ERN2: variants seen among roughly 807,000 people sequenced by gnomAD.
The protein encoded by ERN2 is endoplasmic reticulum to nucleus signaling 2.
ERN2 carries 111 observed loss-of-function variants against 107.9 expected under a neutral mutation model. That is an observed-to-expected ratio of 1.03 (90% CI 0.88 to 1.20). The LOEUF is 1.20. Among genes scored for constraint, ERN2 ranks in the 50% most tolerant of loss-of-function variants. The pLI is 0.00. For missense variants in ERN2, 1,225 were observed against 1,197.9 expected (o/e 1.02, Z -0.33); for synonymous variants, 524 against 501.7 (o/e 1.04, Z -0.59).
intron 6 of ERN2, 121 bp downstream of exon 6, chr16:23,706,633 T>C (rs1960326594): frequency 1.3e-6 from 1 of 794,506 alleles, no homozygotes; most frequent in East Asian, 2.4e-5. Flanking sequence ...CTCTGTAGAA[T>C]GTTTGTTGAT....
chr16:23,706,283 G>A (rs1219644335), intron 7 of ERN2, 47 bp downstream of exon 7: 5 of 1,333,038 alleles, frequency 3.8e-6, no homozygotes, highest in Admixed American at 5.4e-5. Context: ...GGTTCCCTGG[G>A]TTGGGGACCT....
Position 23,710,552 on chromosome 16 carries a change from G to T in ERN2, c.200-3C>A, listed in dbSNP as rs772830145. ...CATTGGTCCTTCGATGACGGGATCT[G>T]CAGGGACAGGGACACAGAACATAAG... On this transcript the variant is annotated splice_polypyrimidine_tract_variant and splice_region_variant and intron_variant, in intron 2 of 21. Coordinates refer to ENST00000256797, the MANE Select transcript of ERN2 (RefSeq NM_033266.4). 1 of 1,614,156 alleles carries T rather than the reference G, an allele frequency of 6.2e-7. No homozygotes were observed. The highest frequency in any genetic ancestry group is 8.5e-7 in the Non-Finnish European group (1 of 1,180,000).
In ERN2 at chr16:23,690,463, G is replaced by A. The variant is rs1959537138; in HGVS notation, c.*368C>T. ...GCTGCCCAGCCTCTGCCAGTCTTGT[G>A]GGGGAAAGGGGGTGACAGTGTCTCT... On this transcript the variant is annotated 3_prime_UTR_variant, in exon 22 of 22. Coordinates refer to ENST00000256797, the MANE Select transcript of ERN2 (RefSeq NM_033266.4). The A allele has an allele frequency of 2.2e-6, 1 of 454,202 alleles. No homozygotes were observed. The highest frequency in any genetic ancestry group is 2.4e-5 in the South Asian group (1 of 41,940). The allele number at this position is 454,202 out of a possible 1,614,324, so 28.1% of individuals were successfully genotyped here. A position where few individuals can be genotyped will look rare whatever the true frequency, so the allele number is the denominator to read the frequency against.
At chr16:23,698,987 A>G (rs1359828706) in intron 13 of ERN2, among the ~76,000 whole-genome samples, 1 of 152,240 alleles carries the variant, frequency 6.6e-6, no homozygotes. Context: ...ATCCTGGGGA[A>G]AGATGGAGTC....
At chr16:23,712,471 C>G (rs573934492) in intron 1 of ERN2, 6 of 156,762 alleles carry the variant, frequency 3.8e-5, no homozygotes, top group African/African-American at 1.4e-4. Context: ...ATGAGAGGTG[C>G]CTAACTCTAC....
rs569979543 is a variant in ERN2, at chr16:23,692,225, G to A, written c.2207C>T (p.Thr736Ile). Residue 736 changes from threonine (T) to isoleucine (I), a missense_variant, in exon 18 of 22, where the codon ACA becomes ATA. Coordinates refer to ENST00000256797, the MANE Select transcript of ERN2 (RefSeq NM_033266.4). ...CAGGTGAGCCAGACAGGGAGCCCCT[G>A]TGAGGATGTTTGCCTGGCGATAAAG... is the stretch of plus-strand genomic sequence containing the variant. ...DSLYRQANIL[T>I]GAPCLAHLEE... 1 of 1,614,188 alleles carries A rather than the reference G, an allele frequency of 6.2e-7. No individual in the cohort carries two copies. Among genetic ancestry groups the A allele is most frequent in the Admixed American group, 1.7e-5 (1 of 60,026 alleles).
In ERN2 at chr16:23,690,764, G is replaced by T; in HGVS notation, c.*67C>A. The T allele has an allele frequency of 1.8e-6, 2 of 1,124,568 alleles. No homozygotes were observed. Among genetic ancestry groups the T allele is most frequent in the Non-Finnish European group, 2.5e-6 (2 of 807,034 alleles). 69.7% of individuals were successfully genotyped at this position (1,124,568 alleles called of 1,614,324 possible). A position where few individuals can be genotyped will look rare whatever the true frequency, so the allele number is the denominator to read the frequency against. Reference sequence around the variant, plus strand: ...GCCACTGCACCCAGCCTGATTCTGAGGCCAGCCACAGGCTCAGCTCTTCAG... The same window carrying T: ...GCCACTGCACCCAGCCTGATTCTGATGCCAGCCACAGGCTCAGCTCTTCAG... On this transcript the variant is annotated 3_prime_UTR_variant, in exon 22 of 22. Coordinates refer to ENST00000256797, the MANE Select transcript of ERN2 (RefSeq NM_033266.4).
chr16:23,699,971 T>C (rs1959978180), intron 13 of ERN2, among the ~76,000 whole-genome samples: 1 of 151,986 alleles, frequency 6.6e-6, no homozygotes, highest in Non-Finnish European at 1.5e-5. Context: ...TCAAAAGAGG[T>C]AAACAGAGAG....
At chr16:23,691,233 C>T (rs772843602) in intron 20 of ERN2, 37 bp from the exon 21 acceptor site, 4 of 1,612,554 alleles carry the variant, frequency 2.5e-6, no homozygotes, top group Non-Finnish European at 2.5e-6. Context: ...ACCGTCCCTG[C>T]TAGACTCCCC....
intron 4 of ERN2, chr16:23,709,253 G>C: frequency 2.2e-6 from 1 of 447,860 alleles, no homozygotes. Flanking sequence ...CCTTGTGATC[G>C]TACCACTGCA....
At chr16:23,705,404 T>A (rs540536821) in intron 7 of ERN2, among the ~76,000 whole-genome samples, 36 of 152,262 alleles carry the variant, frequency 2.4e-4, no homozygotes, top group Middle Eastern at 3.4e-3. Flanking sequence ...GGTCAACATA[T>A]GGTCACCTGG....
At chr16:23,691,229 C>G in intron 20 of ERN2, 33 bp from the exon 21 acceptor site, 1 of 1,613,866 alleles carries the variant, frequency 6.2e-7, no homozygotes, top group Non-Finnish European at 8.5e-7. Flanking sequence ...CAAAACCGTC[C>G]CTGCTAGACT....
chr16:23,701,191 A>G, intron 11 of ERN2, 77 bp from the exon 12 acceptor site: 3 of 1,462,830 alleles, frequency 2.1e-6, no homozygotes. Context: ...CACCCAGCAC[A>G]GAGCTGGGCT....
chr16:23,691,785 A>T lies in ERN2; in HGVS notation c.2376+178T>A, dbSNP rs544934682. Among the ~76,000 whole-genome samples, 15 of 152,334 alleles carry T rather than the reference A, an allele frequency of 9.8e-5. 1 individual carries two copies. The highest frequency in any genetic ancestry group is 3.6e-4 in the African/African-American group (15 of 41,582). On this transcript the variant is annotated intron_variant, in intron 19 of 21. Coordinates refer to ENST00000256797, the MANE Select transcript of ERN2 (RefSeq NM_033266.4). ...AAAGCTGGCAGTGAATGGACCAGAG[A>T]GTGCCAAGATGGCGGAGTTTAGGAG... is the stretch of plus-strand genomic sequence containing the variant.
At position 23,694,713 on chromosome 16, in the gene ERN2, G is replaced by T; in HGVS notation, c.2100+15C>A. The T allele has an allele frequency of 6.3e-7, 1 of 1,587,156 alleles. No homozygotes were observed. ...GGGCAGCTGTGTGCCTGGAGGACTTGGTGGATAGACTCACAGGACTGTCTG... is the reference window on the plus strand; with the variant it reads ...GGGCAGCTGTGTGCCTGGAGGACTTTGTGGATAGACTCACAGGACTGTCTG... On this transcript the variant is annotated intron_variant, in intron 17 of 21. Transcript: ENST00000256797.
At chr16:23,693,843 G>A (rs1959695369) in intron 17 of ERN2, among the ~76,000 whole-genome samples, 1 of 152,036 alleles carries the variant, frequency 6.6e-6, no homozygotes, top group Non-Finnish European at 1.5e-5. Flanking sequence ...TGTCTGTGTG[G>A]GTCAGACGCT....
At chr16:23,703,788 A>T (rs968337181) in intron 8 of ERN2, among the ~76,000 whole-genome samples, 11 of 151,678 alleles carry the variant, frequency 7.3e-5, no homozygotes, top group Non-Finnish European at 1.3e-4. Flanking sequence ...TTTCCTATTC[A>T]TTTTTTAGGT....
At chr16:23,712,049 G>A in intron 1 of ERN2, 1 of 453,992 alleles carries the variant, frequency 2.2e-6, no homozygotes, top group Non-Finnish European at 4.4e-6. Flanking sequence ...CCAGCAGGAG[G>A]CCTAACATCC....
In ERN2 at chr16:23,695,085, G is replaced by C. The variant is rs900407796; in HGVS notation, c.1834C>G (p.Leu612Val). The C allele has an allele frequency of 1.2e-6, 2 of 1,613,828 alleles. No individual in the cohort carries two copies. The highest frequency in any genetic ancestry group is 1.7e-6 in the Non-Finnish European group (2 of 1,179,940). The part of the protein sequence containing the change: ...VENPDLDRGG[L>V]EPEVVLQQLM... The stretch of plus-strand genomic sequence containing the variant: ...TGCTGCAGCACGACCTCGGGCTCCA[G>C]ACCCCCGCGATCCAGGTCCGGGTTT... Residue 612 changes from leucine to valine, a missense_variant, in exon 16 of 22, where the codon CTG becomes GTG. Coordinates refer to ENST00000256797, the MANE Select transcript of ERN2 (RefSeq NM_033266.4).
Sources: allele counts gnomAD v4.1 joint callset (sites outside exome capture counted in the v4.1 genomes callset), GRCh38; gene constraint gnomAD v4.1.1; transcripts MANE v1.5; gene names NCBI Gene and HGNC (gene_info 2026-07-23, HGNC 2026-07-21).